The following DNAH17 variants were observed in gnomAD, a reference collection of about 807,000 sequenced individuals.
DNAH17 encodes axonemal beta dynein heavy chain 17.
Under a neutral mutation model 485.6 loss-of-function variants are expected in DNAH17, and 376 were observed. The observed-to-expected ratio is 0.77, with a 90% CI of 0.71 to 0.84. DNAH17 has a LOEUF of 0.84. Ranked by LOEUF, DNAH17 falls within the 40% of genes least tolerant of loss-of-function variation. The pLI, the probability that DNAH17 is intolerant of heterozygous loss-of-function variation, is 0.00. For synonymous variants in DNAH17, 3,031 were observed against 2,405.9 expected (o/e 1.26, Z -7.60); for missense variants, 6,370 against 5,839.3 (o/e 1.09, Z -2.96).
rs1377063920 is a variant in DNAH17 at position 78,470,886 on chromosome 17, C to G, written c.8512-2003G>C. Among the ~76,000 whole-genome samples, 3 of 151,952 alleles carry G rather than the reference C, an allele frequency of 2.0e-5. No individual in the cohort carries two copies. In the East Asian group the frequency reaches 5.8e-4, roughly 29 times the overall value. Reference sequence around the variant, plus strand: ...TCCACAGCAGGATTTAAGGACAGGGCGAGAAGATGGTTTCATAGGAATTTT... The same window carrying G: ...TCCACAGCAGGATTTAAGGACAGGGGGAGAAGATGGTTTCATAGGAATTTT... On this transcript the variant is annotated intron_variant, in intron 54 of 80. Coordinates refer to ENST00000389840, the MANE Select transcript of DNAH17 (RefSeq NM_173628.4).
chr17:78,453,206 C>A (rs995960041), intron 65 of DNAH17, 137 bp downstream of exon 65: 4 of 1,184,346 alleles, frequency 3.4e-6, no homozygotes, highest in African/African-American at 1.5e-5. Flanking sequence ...TTCCCACCAG[C>A]AGGCACTTTG....
intron 41 of DNAH17, 98 bp downstream of exon 41, chr17:78,493,938 T>C: frequency 6.9e-7 from 1 of 1,459,452 alleles, no homozygotes; most frequent in Non-Finnish European, 9.1e-7. Flanking sequence ...TGGGTTGGGG[T>C]CTCCGGGGTG....
At chr17:78,560,249 G>C (rs551831661) in intron 13 of DNAH17, among the ~76,000 whole-genome samples, 1 of 152,364 alleles carries the variant, frequency 6.6e-6, no homozygotes, top group Admixed American at 6.5e-5. Flanking sequence ...ATGTTAGTGA[G>C]TGGGAAGATT....
chr17:78,505,518 T>C, intron 30 of DNAH17, 73 bp from the exon 31 acceptor site: 1 of 1,599,290 alleles, frequency 6.3e-7, no homozygotes, highest in African/African-American at 1.3e-5. Context: ...GGGCTTTCCG[T>C]GGGTGGTTTT....
chr17:78,505,044 C>T (rs1005493826), intron 31 of DNAH17, among the ~76,000 whole-genome samples: 1 of 151,872 alleles, frequency 6.6e-6, no homozygotes, highest in Non-Finnish European at 1.5e-5. Flanking sequence ...CAGGGCTTTT[C>T]TCCCGTCCTT....
At chr17:78,469,913 G>A (rs539978516) in intron 54 of DNAH17, among the ~76,000 whole-genome samples, 38 of 152,094 alleles carry the variant, frequency 2.5e-4, no homozygotes, top group Non-Finnish European at 4.6e-4. Context: ...TGCCAGGGGC[G>A]GGGCTGGGGG....
intron 9 of DNAH17, among the ~76,000 whole-genome samples, chr17:78,568,579 G>A (rs1181212693): frequency 1.3e-5 from 2 of 152,184 alleles, no homozygotes; most frequent in African/African-American, 4.8e-5. Context: ...GAGCCCCAGA[G>A]AAAACCGCCT....
intron 25 of DNAH17, among the ~76,000 whole-genome samples, chr17:78,519,895 C>T (rs1446704317): frequency 2.0e-5 from 3 of 151,928 alleles, no homozygotes; most frequent in South Asian, 2.1e-4. Flanking sequence ...GGATCACCTG[C>T]GGTCAGGAGT....
chr17:78,537,414 G>T lies in DNAH17; in HGVS notation c.2744C>A (p.Thr915Asn). 13 of 1,613,408 alleles carry T rather than the reference G, an allele frequency of 8.1e-6. No homozygotes were observed. The highest frequency in any genetic ancestry group is 1.1e-5 in the Non-Finnish European group (13 of 1,179,854). Residue 915 changes from threonine to asparagine, a missense_variant, in exon 19 of 81, where the codon ACC (threonine) becomes AAC (asparagine). Transcript: ENST00000389840. ...LDEDGLTFNP[T>N]LEVGSDRGFL... ...GCCGCGATCTGAGCCCACCTCCAGG[G>T]TCGGGTTGAAGGTCAGCCCATCCTC...
At chr17:78,491,732 C>T (rs1457397508) in intron 42 of DNAH17, among the ~76,000 whole-genome samples, 162 bp from the exon 43 acceptor site, 4 of 152,298 alleles carry the variant, frequency 2.6e-5, no homozygotes, top group East Asian at 1.9e-4. Context: ...CCCTGCCCTC[C>T]GTTCTCTGTG....
At chr17:78,442,069 C>T (rs528312127) in intron 71 of DNAH17, among the ~76,000 whole-genome samples, 10 of 135,342 alleles carry the variant, frequency 7.4e-5, no homozygotes, top group Admixed American at 4.6e-4. Flanking sequence ...GGCAAGAGAG[C>T]GAGACTCCAT....
chr17:78,506,368 T>G lies in DNAH17; in HGVS notation c.4803+352A>C, dbSNP rs138429637. Among the ~76,000 whole-genome samples, 67 of 152,118 alleles carry G rather than the reference T, an allele frequency of 4.4e-4. No individual in the cohort carries two copies. In the East Asian group the frequency reaches 0.01, roughly 23 times the overall value. ...GTTCCTTGCTCTTGGGACCCTGAGA[T>G]TTAACCAGCTGACCAGAGCAAGACC... On this transcript the variant is annotated intron_variant, in intron 30 of 80. Coordinates refer to ENST00000389840, the MANE Select transcript of DNAH17 (RefSeq NM_173628.4).
intron 2 of DNAH17, 43 bp from the exon 3 acceptor site, chr17:78,572,937 C>T: frequency 6.4e-7 from 1 of 1,573,702 alleles, no homozygotes; most frequent in Non-Finnish European, 8.7e-7. Flanking sequence ...TGTGCCTTCA[C>T]CAGCTCGGCA....
chr17:78,545,029 T>C (rs547115728), intron 16 of DNAH17, among the ~76,000 whole-genome samples: 336 of 152,212 alleles, frequency 2.2e-3, no homozygotes, highest in Non-Finnish European at 4.1e-3. Flanking sequence ...GAACCTCACC[T>C]TTCCTCCTCC....
chr17:78,544,279 G>A (rs894685202), intron 16 of DNAH17, among the ~76,000 whole-genome samples: 3 of 152,220 alleles, frequency 2.0e-5, no homozygotes, highest in African/African-American at 4.8e-5. Context: ...CCAGAATGGG[G>A]TCACTCTCAG....
rs1392340783 is a variant in DNAH17 at position 78,484,906 on chromosome 17, C to T, written c.7611G>A (p.Pro2537=). ...PEVDKYGTVA[P]HTLIRQHMDH... ...CCATGTGCTGCCGGATGAGGGTGTG[C>T]GGGGCCACCGTCCCATACTTGTCCA... Residue 2537 remains proline (P), a synonymous_variant, in exon 48 of 81, where the codon CCG becomes CCA. Coordinates refer to ENST00000389840, the MANE Select transcript of DNAH17 (RefSeq NM_173628.4). The T allele has an allele frequency of 6.3e-7, 1 of 1,589,574 alleles. No homozygotes were observed. Among genetic ancestry groups the T allele is most frequent in the South Asian group, 1.1e-5 (1 of 87,740 alleles).
intron 22 of DNAH17, among the ~76,000 whole-genome samples, chr17:78,528,585 G>GAC (rs2091140122): frequency 6.6e-6 from 1 of 152,052 alleles, no homozygotes; most frequent in African/African-American, 2.4e-5. Context: ...AAGGGGAGAG[G>GAC]GCGGGAGGAG....
intron 9 of DNAH17, among the ~76,000 whole-genome samples, chr17:78,567,820 G>A (rs777500984): frequency 5.3e-5 from 8 of 152,272 alleles, no homozygotes; most frequent in Non-Finnish European, 8.8e-5. Flanking sequence ...GGCCCATCCC[G>A]TTAGCTGGTT....
At chr17:78,450,195 T>C (rs2087485372) in intron 68 of DNAH17, 59 bp downstream of exon 68, 1 of 1,599,662 alleles carries the variant, frequency 6.3e-7, no homozygotes, top group Non-Finnish European at 8.6e-7. Flanking sequence ...GGCCTGGCTG[T>C]GGAGCCCAGA....
Sources: gnomAD v4.1 joint callset for allele counts (sites outside exome capture counted in the v4.1 genomes callset) on GRCh38, gnomAD v4.1.1 for gene constraint, MANE v1.5 for transcripts, NCBI Gene and HGNC (gene_info 2026-07-23, HGNC 2026-07-21) for gene names.